Variants in SLC12A6 observed in about 807,000 individuals in gnomAD.
SLC12A6 encodes the protein solute carrier family 12 member 6.
A neutral mutation model predicts 135.3 loss-of-function variants in SLC12A6; 66 were observed. The ratio of observed to expected loss-of-function variants is 0.49; its 90% confidence interval spans 0.40 to 0.60. The LOEUF is 0.60. SLC12A6 is among the 20% of genes least tolerant of loss of function. SLC12A6 has a pLI of 0.00. For missense variants in SLC12A6, 1,058 were observed against 1,452.3 expected (o/e 0.73, Z 4.41); for synonymous variants, 513 against 508.8 (o/e 1.01, Z -0.11).
At chr15:34,315,964 C>A (rs76135836) in intron 2 of SLC12A6, among the ~76,000 whole-genome samples, 4,106 of 152,000 alleles carry the variant, frequency 0.027, 183 homozygotes, top group African/African-American at 0.094. Context: ...ACAAAAAAAA[C>A]AACAATTCAT....
chr15:34,230,012 A>C lies in SLC12A6; in HGVS notation c.*3869T>G. ...ACCCAAGGCTGAAAATAATGTAGAA[A>C]ACTTTATTTTTGTTTCCAGTACAGA... On this transcript the variant is annotated 3_prime_UTR_variant, in exon 26 of 26. Coordinates refer to ENST00000354181, the MANE Select transcript of SLC12A6 (RefSeq NM_001365088.1). 3.5e-6 allele frequency: 2 copies of C among 576,234 alleles called. No individual in the cohort carries two copies. Among genetic ancestry groups the C allele is most frequent in the Non-Finnish European group, 6.1e-6 (2 of 328,604 alleles). 35.7% of individuals were successfully genotyped at this position (576,234 alleles called of 1,614,324 possible).
At chr15:34,261,176 G>C (rs1317445726) in intron 3 of SLC12A6, among the ~76,000 whole-genome samples, 156 bp from the exon 4 acceptor site, 2 of 152,106 alleles carry the variant, frequency 1.3e-5, no homozygotes, top group Non-Finnish European at 2.9e-5. Flanking sequence ...GGAGAATATG[G>C]AACAAAATAA....
chr15:34,238,848 T>C (rs1395152888), intron 20 of SLC12A6, 117 bp downstream of exon 20: 6 of 934,246 alleles, frequency 6.4e-6, no homozygotes, highest in Non-Finnish European at 7.1e-6. Context: ...CAGGTTGCCT[T>C]ATAAGACTAT....
chr15:34,328,138 G>GAAGT (rs10635233), intron 2 of SLC12A6, among the ~76,000 whole-genome samples: 67,691 of 151,334 alleles, frequency 0.45, 17,595 homozygotes, highest in African/African-American at 0.74. Flanking sequence ...ACTAAAATTA[G>GAAGT]AAGACCTGTC....
Position 34,238,366 on chromosome 15 carries a change from G to A in SLC12A6, c.2668C>T (p.Leu890=), listed in dbSNP as rs770856017. 6.2e-7 allele frequency: 1 copy of A among 1,613,884 alleles called. No homozygotes were observed. ...VRVTTAAHLA[L]LVAKNISFFP... ...AAGGAGATGTTTTTAGCCACCAGCA[G>A]TGCAAGATGGGCAGCAGTTGTCACT... is the stretch of plus-strand genomic sequence containing the variant. Residue 890 remains leucine (L), a synonymous_variant, in exon 21 of 26, where the codon CTG becomes TTG. Transcript: ENST00000354181.
intron 13 of SLC12A6, among the ~76,000 whole-genome samples, chr15:34,247,438 AC>A (rs1482642953): frequency 6.6e-6 from 1 of 151,912 alleles, no homozygotes; most frequent in Non-Finnish European, 1.5e-5. Context: ...AATGGCGTGA[AC>A]CCGGGAGGCA....
intron 2 of SLC12A6, among the ~76,000 whole-genome samples, chr15:34,320,620 T>TA (rs1889007074): frequency 7.0e-6 from 1 of 142,946 alleles, no homozygotes; most frequent in South Asian, 2.3e-4. Flanking sequence ...TTTTTTTTTT[T>TA]TAAAGAAAAA....
intron 2 of SLC12A6, among the ~76,000 whole-genome samples, chr15:34,281,630 T>C (rs1894686209): frequency 6.6e-6 from 1 of 151,892 alleles, no homozygotes; most frequent in Non-Finnish European, 1.5e-5. Flanking sequence ...TCTACTAAAA[T>C]ACAAAAAATT....
At chr15:34,252,697 G>C (rs749690728) in intron 9 of SLC12A6, among the ~76,000 whole-genome samples, 7 of 152,164 alleles carry the variant, frequency 4.6e-5, no homozygotes, top group Non-Finnish European at 7.4e-5. Context: ...TCTGTCCAAG[G>C]TCATAGGTGG....
rs575764433 is a variant in SLC12A6, at chr15:34,260,417, C to A, written c.411+509G>T. ...GGGACCACAGGCGCCCGCCACCATG[C>A]CCGGCTAATTTTTTGTAGTTTTAGT... On this transcript the variant is annotated intron_variant, in intron 4 of 25. Transcript: ENST00000354181. Among the ~76,000 whole-genome samples the A allele has an allele frequency of 7.9e-5, 12 of 152,234 alleles. No individual in the cohort carries two copies. In the South Asian group the frequency reaches 2.5e-3, roughly 32 times the overall value.
In SLC12A6 at chr15:34,234,865, C is replaced by T. The variant is rs747806161; in HGVS notation, c.3361+316G>A. Among the ~76,000 whole-genome samples the T allele has an allele frequency of 4.6e-5, 7 of 152,064 alleles. No individual in the cohort carries two copies. The East Asian group carries it at 1.2e-3, about 25-fold the overall frequency. On this transcript the variant is annotated intron_variant, in intron 25 of 25. Coordinates refer to ENST00000354181, the MANE Select transcript of SLC12A6 (RefSeq NM_001365088.1). ...TATCCAAAAGAAAGGCTTTGCAAAG[C>T]GGGTAGAACCTAAAAAGGCGAAAGG...
Position 34,268,956 on chromosome 15 carries a change from A to C in SLC12A6, c.316+6389T>G, listed in dbSNP as rs534031305. 4.6e-4 allele frequency among the ~76,000 whole-genome samples: 70 copies of C among 151,866 alleles called. 1 individual carries two copies. Among genetic ancestry groups the C allele is most frequent in the Non-Finnish European group, 8.7e-4 (59 of 67,954 alleles). On this transcript the variant is annotated intron_variant, in intron 3 of 25. Coordinates refer to ENST00000354181, the MANE Select transcript of SLC12A6 (RefSeq NM_001365088.1). ...ACTGCGACCTCCGCCTCCAGGGTTC[A>C]AGCAATTCTCCTACCTCAGCCTCCC...
chr15:34,311,591 A>G (rs1282161480), intron 2 of SLC12A6, among the ~76,000 whole-genome samples: 2 of 152,224 alleles, frequency 1.3e-5, no homozygotes, highest in Admixed American at 1.3e-4. Flanking sequence ...CAAAGAATTT[A>G]TAAGTTGAAC....
rs1173916570 is a variant in SLC12A6, at chr15:34,234,591, C to T, written c.3361+590G>A. On this transcript the variant is annotated intron_variant, in intron 25 of 25. Transcript: ENST00000354181. ...TTCACCATGTTGGCCAGGCTGGTCT[C>T]GAACTCCTGACCTCAGGTGATCCAC... is the stretch of plus-strand genomic sequence containing the variant. Among the ~76,000 whole-genome samples the T allele has an allele frequency of 3.3e-5, 5 of 151,978 alleles. 1 individual carries two copies. The highest frequency in any genetic ancestry group is 1.2e-4 in the African/African-American group (5 of 41,376).
chr15:34,281,714 G>A (rs767227597), intron 2 of SLC12A6, among the ~76,000 whole-genome samples: 8 of 152,168 alleles, frequency 5.3e-5, no homozygotes, highest in Non-Finnish European at 1.2e-4. Context: ...CTTGAATTCA[G>A]GAGGCGGAGG....
intron 16 of SLC12A6, among the ~76,000 whole-genome samples, chr15:34,243,423 C>CA (rs1224160972): frequency 6.6e-6 from 1 of 152,044 alleles, no homozygotes; most frequent in Non-Finnish European, 1.5e-5. Flanking sequence ...GGATGGTAGC[C>CA]AAAAATCTTT....
rs1895396306 is a variant in SLC12A6, at chr15:34,289,938, ATTGATT to A, written c.272-14555_272-14550del. Among the ~76,000 whole-genome samples, 3 of 152,172 alleles carry A rather than the reference ATTGATT, an allele frequency of 2.0e-5. No individual in the cohort carries two copies. In the South Asian group the frequency reaches 6.2e-4, roughly 32 times the overall value. On this transcript the variant is annotated intron_variant, in intron 2 of 25. Coordinates refer to ENST00000354181, the MANE Select transcript of SLC12A6 (RefSeq NM_001365088.1). ...TTTCAAAAAACCAGCTCCTGGATTC[ATTGATT>A]TTTTTAAGGGATTTTGTGTCCCTAT...
At chr15:34,261,905 G>T (rs1446945078) in intron 3 of SLC12A6, among the ~76,000 whole-genome samples, 4 of 152,196 alleles carry the variant, frequency 2.6e-5, no homozygotes, top group African/African-American at 9.7e-5. Flanking sequence ...CACTGCTGGT[G>T]GGAATGTAAA....
intron 20 of SLC12A6, 139 bp downstream of exon 20, chr15:34,238,826 C>A: frequency 1.3e-6 from 1 of 796,318 alleles, no homozygotes; most frequent in South Asian, 1.4e-5. Flanking sequence ...GGTATTACTA[C>A]CAATAGTTTT....
Sources: allele counts gnomAD v4.1 joint callset (sites outside exome capture counted in the v4.1 genomes callset), GRCh38; gene constraint gnomAD v4.1.1; transcripts MANE v1.5; gene names NCBI Gene and HGNC (gene_info 2026-07-23, HGNC 2026-07-21).